CTNNA2: variants seen among roughly 807,000 people sequenced by gnomAD.
The protein encoded by CTNNA2 is catenin alpha-2.
CTNNA2 carries 42 observed loss-of-function variants against 101.0 expected under a neutral mutation model. The ratio of observed to expected loss-of-function variants is 0.42; its 90% CI spans 0.32 to 0.54. The LOEUF (loss-of-function observed/expected upper bound fraction) is 0.54. CTNNA2 is among the 20% of genes least tolerant of loss of function. The pLI is 0.14. For missense variants in CTNNA2, 871 were observed against 1,223.1 expected, an observed-to-expected ratio of 0.71 and a Z score of 4.29; for synonymous variants, 450 against 456.4, an observed-to-expected ratio of 0.99 and a Z score of 0.18.
intron 8 of CTNNA2, among the ~76,000 whole-genome samples, chr2:80,399,781 C>A (rs150595758): frequency 1.3e-5 from 2 of 152,160 alleles, no homozygotes; most frequent in Non-Finnish European, 2.9e-5. Context: ...GATCCTGAGA[C>A]TGGAAGATCC....
At chr2:79,881,473 C>G (rs768659765) in intron 6 of CTNNA2, among the ~76,000 whole-genome samples, 2 of 152,114 alleles carry the variant, frequency 1.3e-5, no homozygotes, top group Non-Finnish European at 2.9e-5. Context: ...TCTCTAAGAA[C>G]TTGTTTTATG....
At chr2:80,604,966 T>C (rs1461747709) in intron 16 of CTNNA2, among the ~76,000 whole-genome samples, 1 of 152,038 alleles carries the variant, frequency 6.6e-6, no homozygotes, top group African/African-American at 2.4e-5. Context: ...TTATTTAATA[T>C]GGCTCTCACT....
intron 2 of CTNNA2, among the ~76,000 whole-genome samples, chr2:79,206,975 T>A (rs1674108076): frequency 6.6e-6 from 1 of 152,136 alleles, no homozygotes; most frequent in Admixed American, 6.6e-5. Flanking sequence ...ATACCCTGAG[T>A]GTAGGTGACA....
intron 17 of CTNNA2, among the ~76,000 whole-genome samples, chr2:80,614,517 C>T (rs1258308015): frequency 6.6e-6 from 1 of 151,346 alleles, no homozygotes; most frequent in East Asian, 2.0e-4. Flanking sequence ...ACCAATCCCC[C>T]ATGGATACCA....
chr2:79,299,274 C>G (rs915235326), intron 2 of CTNNA2, among the ~76,000 whole-genome samples: 6 of 152,096 alleles, frequency 3.9e-5, no homozygotes, highest in Non-Finnish European at 7.4e-5. Flanking sequence ...ATTTGGATGT[C>G]TTCTGCAAGT....
chr2:80,150,393 A>G (rs779767575), intron 7 of CTNNA2, among the ~76,000 whole-genome samples: 2 of 152,068 alleles, frequency 1.3e-5, no homozygotes, highest in Non-Finnish European at 2.9e-5. Context: ...AGGACCTTGC[A>G]TGCCGCTCAC....
chr2:79,905,311 A>G (rs1304072737), intron 6 of CTNNA2, among the ~76,000 whole-genome samples: 1 of 152,230 alleles, frequency 6.6e-6, no homozygotes, highest in Non-Finnish European at 1.5e-5. Flanking sequence ...CAGGCCCTCT[A>G]TCTGTAAATG....
rs59885288 is a variant in CTNNA2 at position 79,844,979 on chromosome 2, T to TACACACACACACACACACACAC, written c.299-13032_299-13011dup. Among the ~76,000 whole-genome samples the TACACACACACACACACACACAC allele has an allele frequency of 6.7e-3, 933 of 140,254 alleles. 4 individuals are homozygous for TACACACACACACACACACACAC. Among genetic ancestry groups the TACACACACACACACACACACAC allele is most frequent in the East Asian group, 0.011 (52 of 4,660 alleles). 92.0% of individuals were successfully genotyped at this position (140,254 alleles called of 152,430 possible). Reference sequence around the variant, plus strand: ...GGAGGGATAAAGAATGAAAACAAACTACACACACACACACACACACACATA... The same window carrying TACACACACACACACACACACAC: ...GGAGGGATAAAGAATGAAAACAAACTACACACACACACACACACACACACACACACACACACACACACACATA... On this transcript the variant is annotated intron_variant, in intron 3 of 18. Transcript: ENST00000402739.
In CTNNA2 at chr2:79,275,780, A is replaced by G. The variant is rs1012353614; in HGVS notation, c.-405-36929A>G. Among the ~76,000 whole-genome samples, 5 of 152,036 alleles carry G rather than the reference A, an allele frequency of 3.3e-5. No homozygotes were observed. In the East Asian group the frequency reaches 9.7e-4, roughly 29 times the overall value. ...TAATTTTATCGCATTCCTCCTATGC[A>G]TTGGGCATTGTGTTAGTCCAGCAGT... On this transcript the variant is annotated intron_variant, in intron 2 of 21. Coordinates refer to the CTNNA2 transcript ENST00000466387.
rs1302544935 is a variant in CTNNA2, at chr2:80,606,402, ACACACACACACC to A, written c.2296-1780_2296-1769del. ...CACACACACACACACACACACACACACACACACACACCCCCCAGGATACATTTATTTTGAGAT... is the reference window on the plus strand; with the variant it reads ...CACACACACACACACACACACACACACCCCAGGATACATTTATTTTGAGAT... On this transcript the variant is annotated intron_variant, in intron 16 of 18. Transcript: ENST00000402739. 3.0e-3 allele frequency among the ~76,000 whole-genome samples: 361 copies of A among 121,828 alleles called. 2 individuals carry two copies. The highest frequency in any genetic ancestry group is 0.011 in the African/African-American group (309 of 28,258). The allele number at this position is 121,828 out of a possible 152,430, so 79.9% of individuals were successfully genotyped here.
chr2:80,444,178 C>T (rs375821974), intron 9 of CTNNA2, among the ~76,000 whole-genome samples: 6 of 152,296 alleles, frequency 3.9e-5, no homozygotes, highest in East Asian at 1.9e-4. Context: ...TTGGATTCCA[C>T]GTCATCCAAT....
At chr2:79,763,032 G>T (rs1180613741) in intron 3 of CTNNA2, among the ~76,000 whole-genome samples, 5 of 152,014 alleles carry the variant, frequency 3.3e-5, no homozygotes, top group Admixed American at 2.6e-4. Flanking sequence ...TTAATTTGGG[G>T]TCTTATTCTG....
intron 7 of CTNNA2, among the ~76,000 whole-genome samples, chr2:80,236,543 G>A (rs1709560475): frequency 6.6e-6 from 1 of 152,144 alleles, no homozygotes; most frequent in African/African-American, 2.4e-5. Context: ...GCTTGCAAAT[G>A]AAGACTCAGG....
Position 79,587,708 on chromosome 2 carries a change from G to T in CTNNA2, c.-5-63844G>T, listed in dbSNP as rs1676586642. Among the ~76,000 whole-genome samples the T allele has an allele frequency of 2.0e-5, 3 of 152,300 alleles. No individual in the cohort carries two copies. In the South Asian group the frequency reaches 6.2e-4, roughly 32 times the overall value. ...CTCAAAAGCCACTCAGGGTGACGCTGCTAGGAATGGGAGTCCAGCCCAAGA... is the reference window on the plus strand; with the variant it reads ...CTCAAAAGCCACTCAGGGTGACGCTTCTAGGAATGGGAGTCCAGCCCAAGA... On this transcript the variant is annotated intron_variant, in intron 1 of 18. Transcript: ENST00000402739.
chr2:79,466,407 C>T (rs1670936768), intron 4 of CTNNA2, among the ~76,000 whole-genome samples: 1 of 152,214 alleles, frequency 6.6e-6, no homozygotes, highest in Admixed American at 6.5e-5. Flanking sequence ...GAGCCCACCA[C>T]AGCTCAAGGA....
At chr2:80,364,871 T>A (rs1674772998) in intron 7 of CTNNA2, among the ~76,000 whole-genome samples, 1 of 152,142 alleles carries the variant, frequency 6.6e-6, no homozygotes, top group South Asian at 2.1e-4. Context: ...AAGGGAAAGA[T>A]TCCCTTGATA....
intron 1 of CTNNA2, among the ~76,000 whole-genome samples, chr2:79,195,190 G>C (rs946961810): frequency 6.6e-6 from 1 of 152,156 alleles, no homozygotes; most frequent in Non-Finnish European, 1.5e-5. Context: ...TATTTCAGGA[G>C]ATAGCCAGTT....
At chr2:79,767,067 T>G (rs1673217954) in intron 3 of CTNNA2, among the ~76,000 whole-genome samples, 1 of 152,006 alleles carries the variant, frequency 6.6e-6, no homozygotes, top group Admixed American at 6.6e-5. Context: ...ACTGTGTATT[T>G]TCAAATAGCC....
rs371073836 is a variant in CTNNA2, at chr2:79,332,179, A to G, written c.-318+19383A>G. 6.6e-5 allele frequency among the ~76,000 whole-genome samples: 10 copies of G among 152,262 alleles called. No homozygotes were observed. In the South Asian group the frequency reaches 1.5e-3, roughly 22 times the overall value. Reference sequence around the variant, plus strand: ...ATTAAAATAACCCAAAGGCTTGTGAATAAAAGACAAATATATTGCAAGGGT... The same window carrying G: ...ATTAAAATAACCCAAAGGCTTGTGAGTAAAAGACAAATATATTGCAAGGGT... On this transcript the variant is annotated intron_variant, in intron 3 of 21. Transcript: ENST00000466387.
Sources: allele counts gnomAD v4.1 joint callset (sites outside exome capture counted in the v4.1 genomes callset), GRCh38; gene constraint gnomAD v4.1.1; transcripts MANE v1.5; gene names NCBI Gene and HGNC (gene_info 2026-07-23, HGNC 2026-07-21).